KLHDC4: variants seen among roughly 807,000 people sequenced by gnomAD.
KLHDC4 encodes the protein kelch domain-containing protein 4.
A neutral mutation model predicts 62.4 loss-of-function variants in KLHDC4; 90 were observed. The ratio of observed to expected loss-of-function variants is 1.44; its 90% CI spans 1.22 to 1.72. The LOEUF (loss-of-function observed/expected upper bound fraction) is 1.72. KLHDC4 is among the 40% of genes most tolerant of loss of function. The pLI is 0.00. For missense variants in KLHDC4, 1,025 were observed against 699.7 expected, an observed-to-expected ratio of 1.47 and a Z score of -5.25; for synonymous variants, 386 against 284.4, an observed-to-expected ratio of 1.36 and a Z score of -3.59.
chr16:87,726,848 T>A lies in KLHDC4; in HGVS notation c.676A>T (p.Thr226Ser). The change falls in exon 7 of 12, where the codon ACG becomes TCG. Residue 226 changes from threonine to serine, a missense_variant. Thr to Ser is a moderately conservative substitution (Grantham distance 58, BLOSUM62 1). Transcript: ENST00000270583. ...CAGCCTGATCTGGGTGTGGGCCCCG[T>A]CCCTGACGGGGACAGCTTGCTCCAT... Reference protein sequence around the residue: ...FTWSKLSPSGTGPTPRSGCQM... With the variant: ...FTWSKLSPSGSGPTPRSGCQM... 1 of 1,613,370 alleles carries A rather than the reference T, an allele frequency of 6.2e-7. No homozygotes were observed. The highest frequency in any genetic ancestry group is 2.2e-5 in the East Asian group (1 of 44,738).
chr16:87,743,508 G>C (rs987168949), intron 5 of KLHDC4, among the ~76,000 whole-genome samples: 4 of 152,096 alleles, frequency 2.6e-5, no homozygotes, highest in South Asian at 4.1e-4. Context: ...GGGAGGCCGA[G>C]GTGGGTGGAT....
chr16:87,736,961 A>T (rs1455883857), intron 5 of KLHDC4, among the ~76,000 whole-genome samples: 1 of 151,140 alleles, frequency 6.6e-6, no homozygotes, highest in Non-Finnish European at 1.5e-5. Flanking sequence ...CCTGCCTCTT[A>T]TTAAAAATAT....
At chr16:87,752,949 G>A (rs936083424) in intron 4 of KLHDC4, among the ~76,000 whole-genome samples, 44 of 152,308 alleles carry the variant, frequency 2.9e-4, no homozygotes, top group Admixed American at 1.9e-3. Context: ...AACAGGAAGC[G>A]GGAAGTGCAG....
intron 4 of KLHDC4, among the ~76,000 whole-genome samples, chr16:87,751,205 G>A (rs1165136944): frequency 6.6e-6 from 1 of 152,234 alleles, no homozygotes; most frequent in Non-Finnish European, 1.5e-5. Context: ...GCTGGGCGTG[G>A]TGGCTCACGC....
exon 1 of KLHDC4, chr16:87,698,426 T>C (rs2033992962): frequency 6.6e-6 from 1 of 152,222 alleles, no homozygotes. Flanking sequence ...ACAGCTGCTT[T>C]TGTACATTCC....
chr16:87,726,773 A>G lies in KLHDC4; in HGVS notation c.751T>C (p.Ser251Pro). ...CCCACCCCCCGCCTTACCTGTTTCG[A>G]GTAGCCCCCATAGACGACGATGCCG... The part of the protein sequence containing the change: ...QGGIVVYGGY[S>P]KQRVKKDVDK... The change falls in exon 7 of 12, where the codon TCG becomes CCG. Residue 251 changes from serine to proline, a missense_variant. By Grantham distance (74) the Ser-to-Pro change is moderately conservative. Coordinates refer to ENST00000270583, the MANE Select transcript of KLHDC4 (RefSeq NM_017566.4). 1 of 1,488,952 alleles carries G rather than the reference A, an allele frequency of 6.7e-7. No homozygotes were observed. The highest frequency in any genetic ancestry group is 1.5e-5 in the African/African-American group (1 of 65,640). The allele number at this position is 1,488,952 out of a possible 1,614,324, so 92.2% of individuals were successfully genotyped here. A position where few individuals can be genotyped will look rare whatever the true frequency, so the allele number is the denominator to read the frequency against.
rs144111621 is a variant in KLHDC4 at position 87,744,070 on chromosome 16, G to C, written c.506+4603C>G. ...GAGGGGGGCAGATCACTTGAGGTCA[G>C]GAGTTCAAGACCAGCCTGGCCAACA... On this transcript the variant is annotated intron_variant, in intron 5 of 11. Transcript: ENST00000270583. Among the ~76,000 whole-genome samples the C allele has an allele frequency of 5.5e-3, 840 of 152,224 alleles. 8 individuals are homozygous for C. The highest frequency in any genetic ancestry group is 0.02 in the African/African-American group (824 of 41,536).
intron 5 of KLHDC4, among the ~76,000 whole-genome samples, chr16:87,748,396 G>A (rs751671389): frequency 6.6e-6 from 1 of 152,212 alleles, no homozygotes; most frequent in Non-Finnish European, 1.5e-5. Context: ...CACAGGAGAA[G>A]AGCTGCAACA....
downstream of KLHDC4, among the ~76,000 whole-genome samples, chr16:87,704,630 C>T (rs1483812948): frequency 6.6e-6 from 1 of 151,990 alleles, no homozygotes; most frequent in Non-Finnish European, 1.5e-5. Flanking sequence ...GGGAGGGTCT[C>T]TCTCACCAAC....
Position 87,761,991 on chromosome 16 carries a change from C to T in KLHDC4, c.149G>A (p.Arg50Lys), listed in dbSNP as rs1806299839. Residue 50 changes from arginine (R) to lysine (K), a missense_variant, in exon 2 of 12, where the codon AGG (arginine) becomes AAG (lysine). Transcript: ENST00000270583. Reference protein sequence around the residue: ...IAHFQTLDAKRTQTVELPCPP... With the variant: ...IAHFQTLDAKKTQTVELPCPP... ...GCACGGAAGTTCCACAGTCTGAGTCCTCTTGGCATCGAGTGTCTGGAAATG... is the reference window on the plus strand; with the variant it reads ...GCACGGAAGTTCCACAGTCTGAGTCTTCTTGGCATCGAGTGTCTGGAAATG... 2 of 1,613,964 alleles carry T rather than the reference C, an allele frequency of 1.2e-6. No individual in the cohort carries two copies. The highest frequency in any genetic ancestry group is 1.7e-6 in the Non-Finnish European group (2 of 1,179,960).
Position 87,726,938 on chromosome 16 carries a change from C to A in KLHDC4, c.600-14G>T. 2 of 1,613,238 alleles carry A rather than the reference C, an allele frequency of 1.2e-6. No homozygotes were observed. The highest frequency in any genetic ancestry group is 4.5e-5 in the East Asian group (2 of 44,798). ...TAGATGTAATCCCTGGTTAGAAGAACAGCAGCTGTCAGGGTCCGTAACATT... is the reference window on the plus strand; with the variant it reads ...TAGATGTAATCCCTGGTTAGAAGAAAAGCAGCTGTCAGGGTCCGTAACATT... On this transcript the variant is annotated splice_polypyrimidine_tract_variant and intron_variant, in intron 6 of 11. Coordinates refer to ENST00000270583, the MANE Select transcript of KLHDC4 (RefSeq NM_017566.4).
chr16:87,718,175 G>A (rs117855077), intron 7 of KLHDC4, among the ~76,000 whole-genome samples: 199 of 152,208 alleles, frequency 1.3e-3, no homozygotes, highest in South Asian at 7.7e-3. Flanking sequence ...AACAGACAAC[G>A]GCCTTGTTGC....
chr16:87,716,864 GGA>G (rs1221550063), intron 7 of KLHDC4, among the ~76,000 whole-genome samples: 1 of 152,118 alleles, frequency 6.6e-6, no homozygotes, highest in Non-Finnish European at 1.5e-5. Context: ...CCCAGGAGGC[GGA>G]GCTTGCAGTG....
chr16:87,718,998 C>G (rs2037684984), intron 7 of KLHDC4, among the ~76,000 whole-genome samples: 1 of 151,614 alleles, frequency 6.6e-6, no homozygotes, highest in African/African-American at 2.4e-5. Context: ...GCAGCCGCCC[C>G]CTCCGGGAAG....
chr16:87,765,176 G>T (rs1180376277), intron 1 of KLHDC4: 2 of 455,944 alleles, frequency 4.4e-6, no homozygotes, highest in East Asian at 6.9e-5. Context: ...TCAACCCCAA[G>T]GTCAGGACGG....
intron 5 of KLHDC4, among the ~76,000 whole-genome samples, chr16:87,731,400 T>C (rs1033029785): frequency 4.0e-5 from 6 of 151,532 alleles, no homozygotes; most frequent in African/African-American, 7.3e-5. Flanking sequence ...GTAAGATAAA[T>C]GACCCAATAA....
chr16:87,745,687 G>C (rs2042934889), intron 5 of KLHDC4, among the ~76,000 whole-genome samples: 1 of 152,198 alleles, frequency 6.6e-6, no homozygotes, highest in Admixed American at 6.5e-5. Context: ...GACGACATTG[G>C]GGCAGGGTGG....
At chr16:87,737,344 T>C (rs893572305) in intron 5 of KLHDC4, among the ~76,000 whole-genome samples, 2 of 151,830 alleles carry the variant, frequency 1.3e-5, no homozygotes, top group Admixed American at 6.6e-5. Context: ...TCCCAGCACT[T>C]TGGGAGGCCA....
chr16:87,705,556 C>T (rs2034564930), downstream of KLHDC4, among the ~76,000 whole-genome samples: 1 of 152,256 alleles, frequency 6.6e-6, no homozygotes, highest in Non-Finnish European at 1.5e-5. Flanking sequence ...CTCAGGGCTG[C>T]TGTCATCTTT....
Sources: allele counts gnomAD v4.1 joint callset (sites outside exome capture counted in the v4.1 genomes callset), GRCh38; gene constraint gnomAD v4.1.1; transcripts MANE v1.5; gene names NCBI Gene and HGNC (gene_info 2026-07-23, HGNC 2026-07-21).